HK3: variants seen among roughly 807,000 people sequenced by gnomAD.
HK3 encodes the protein hexokinase 3.
In HK3, 93 loss-of-function variants were observed where a neutral mutation model predicts 91.0. The observed-to-expected ratio is 1.02, with a 90% CI of 0.86 to 1.21. The LOEUF (loss-of-function observed/expected upper bound fraction) is 1.21, where lower values mean the gene tolerates loss of function less well. Among genes scored for constraint, HK3 ranks in the 50% most tolerant of loss-of-function variants. The pLI, the probability that HK3 is intolerant of heterozygous loss-of-function variation, is 0.00. For synonymous variants in HK3, 519 were observed against 516.9 expected (o/e 1.00, Z -0.06); for missense variants, 1,235 against 1,247.4 (o/e 0.99, Z 0.15).
At position 176,881,463 on chromosome 5, in the gene HK3, G is replaced by A; in HGVS notation, c.2466C>T (p.Ala822=). The A allele has an allele frequency of 6.2e-7, 1 of 1,609,142 alleles. No individual in the cohort carries two copies. The highest frequency in any genetic ancestry group is 8.5e-7 in the Non-Finnish European group (1 of 1,180,002). The change falls in exon 18 of 19, where the codon GCC becomes GCT. Residue 822 remains alanine, a synonymous_variant. Coordinates refer to ENST00000292432, the MANE Select transcript of HK3 (RefSeq NM_002115.3). Reference sequence around the variant, plus strand: ...CCTGGCACACCTCTAGCACCATCAGGGCGTCATCTGAGGTCAGGGGTAGCC... The same window carrying A: ...CCTGGCACACCTCTAGCACCATCAGAGCGTCATCTGAGGTCAGGGGTAGCC... ...DLGLPLTSDD[A]LMVLEVCQAV...
In HK3 at chr5:176,891,485, G is replaced by C; in HGVS notation, c.162C>G (p.Leu54=). The C allele has an allele frequency of 1.2e-6, 2 of 1,614,210 alleles. No homozygotes were observed. The highest frequency in any genetic ancestry group is 8.5e-7 in the Non-Finnish European group (1 of 1,180,036). The change falls in exon 3 of 19, where the codon CTC becomes CTG. Residue 54 remains leucine (L), a synonymous_variant. Coordinates refer to ENST00000292432, the MANE Select transcript of HK3 (RefSeq NM_002115.3). ...RAQLQQIQAS[L]LGSMEQALRG... is the part of the protein sequence containing the mutation. ...TCAGCGCCTGCTCCATGGAACCCAA[G>C]AGGCTGGCTTGGATCTGCTGTAGCT...
Position 176,896,044 on chromosome 5 carries a change from G to A in HK3, c.96+20C>T. 6.2e-7 allele frequency: 1 copy of A among 1,601,630 alleles called. No individual in the cohort carries two copies. The highest frequency in any genetic ancestry group is 1.7e-5 in the Admixed American group (1 of 59,980). On this transcript the variant is annotated intron_variant, in intron 2 of 18. Coordinates refer to ENST00000292432, the MANE Select transcript of HK3 (RefSeq NM_002115.3). Reference sequence around the variant, plus strand: ...AAGGCCTTAGACAAGCATGAAACAGGAACCCAGTGCTGAACTTACCAGCTC... The same window carrying A: ...AAGGCCTTAGACAAGCATGAAACAGAAACCCAGTGCTGAACTTACCAGCTC...
chr5:176,893,678 G>C (rs548471502), intron 2 of HK3, among the ~76,000 whole-genome samples: 1 of 152,326 alleles, frequency 6.6e-6, no homozygotes, highest in African/African-American at 2.4e-5. Flanking sequence ...TAGAGTCACG[G>C]AGAAGTCAAT....
chr5:176,895,852 C>G (rs1208003345), intron 2 of HK3, among the ~76,000 whole-genome samples: 3 of 152,224 alleles, frequency 2.0e-5, no homozygotes, highest in African/African-American at 7.2e-5. Context: ...AGTCATAACA[C>G]TTCTCTATAT....
rs745716229 is a variant in HK3 at position 176,882,077 on chromosome 5, C to A, written c.2104G>T (p.Val702Leu). The A allele has an allele frequency of 6.2e-7, 1 of 1,612,726 alleles. No homozygotes were observed. Among genetic ancestry groups the A allele is most frequent in the Non-Finnish European group, 8.5e-7 (1 of 1,180,028 alleles). ...YMEELRNVAG[V>L]PGDSGRMCIN... ...CACATGCGGCCTGAGTCCCCAGGCA[C>A]GCCCGCCACATTCCGGAGCTCCTCC... The change falls in exon 16 of 19, where the codon GTG (valine) becomes TTG (leucine). Residue 702 changes from valine (V) to leucine (L), a missense_variant. By Grantham distance (32) the Val-to-Leu change is conservative. This residue lies in a region of HK3 where 513 missense variants were observed against 477.4 expected (regional missense o/e 1.07). Coordinates refer to ENST00000292432, the MANE Select transcript of HK3 (RefSeq NM_002115.3).
Position 176,880,915 on chromosome 5 carries a change from C to G in HK3, c.*158G>C. On this transcript the variant is annotated 3_prime_UTR_variant, in exon 19 of 19. Coordinates refer to ENST00000292432, the MANE Select transcript of HK3 (RefSeq NM_002115.3). Reference sequence around the variant, plus strand: ...TATTGCTAACCTGAGTGCTACTTCTCTCAGGGAAAGCCAGGGAGCAAGGCC... The same window carrying G: ...TATTGCTAACCTGAGTGCTACTTCTGTCAGGGAAAGCCAGGGAGCAAGGCC... The G allele has an allele frequency of 1.4e-6, 1 of 698,354 alleles. No individual in the cohort carries two copies. Among genetic ancestry groups the G allele is most frequent in the Non-Finnish European group, 2.3e-6 (1 of 440,216 alleles). 43.3% of individuals were successfully genotyped at this position (698,354 alleles called of 1,614,324 possible).
At position 176,891,427 on chromosome 5, in the gene HK3, T is replaced by G. The variant is rs1171817495; in HGVS notation, c.220A>C (p.Met74Leu). Residue 74 changes from methionine to leucine, a missense_variant, in exon 3 of 19, where the codon ATG (methionine) becomes CTG (leucine). Transcript: ENST00000292432. ...GTGGACCCCACGTATGTAGGCAGCA[T>G]CCGGACCGCAGGGGCAGGGCTGGCC... is the stretch of plus-strand genomic sequence containing the variant. ...GQASPAPAVR[M>L]LPTYVGSTPH... 1.2e-6 allele frequency: 2 copies of G among 1,613,936 alleles called. No individual in the cohort carries two copies. The highest frequency in any genetic ancestry group is 3.3e-5 in the Admixed American group (2 of 59,998).
intron 13 of HK3, 45 bp downstream of exon 13, chr5:176,886,957 G>A (rs1456233697): frequency 8.1e-6 from 13 of 1,609,658 alleles, no homozygotes; most frequent in African/African-American, 1.3e-5. Flanking sequence ...AGGGTATGTG[G>A]GGGCAGGAGG....
chr5:176,883,094 C>T (rs1758487812), intron 15 of HK3, among the ~76,000 whole-genome samples: 2 of 152,214 alleles, frequency 1.3e-5, no homozygotes, highest in Admixed American at 1.3e-4. Flanking sequence ...TCGCTGCTGC[C>T]CACGTGTAGA....
In HK3 at chr5:176,884,586, G is replaced by A. The variant is rs1472204956; in HGVS notation, c.1858-452C>T. ...AGAGGAAGGAATTCTCAGCTTCAGG[G>A]ATAGAGCCGTGTCAATGGGCGAGTC... On this transcript the variant is annotated intron_variant, in intron 13 of 18. Transcript: ENST00000292432. The surrounding 1 kb of genome is among the most constrained non-coding windows in gnomAD (Gnocchi z 4.1). Among the ~76,000 whole-genome samples the A allele has an allele frequency of 6.6e-6, 1 of 152,232 alleles. No homozygotes were observed. The highest frequency in any genetic ancestry group is 2.4e-5 in the African/African-American group (1 of 41,450).
intron 15 of HK3, 62 bp from the exon 16 acceptor site, chr5:176,882,189 C>G (rs1396630960): frequency 6.4e-7 from 1 of 1,558,164 alleles, no homozygotes; most frequent in Admixed American, 1.7e-5. Flanking sequence ...CCTCTGAGCA[C>G]TTCCCATACC....
At position 176,891,472 on chromosome 5, in the gene HK3, C is replaced by T. The variant is rs202189125; in HGVS notation, c.175G>A (p.Glu59Lys). ...CTGGCCTGTCCCCTCAGCGCCTGCT[C>T]CATGGAACCCAAGAGGCTGGCTTGG... ...QIQASLLGSM[E>K]QALRGQASPA... The change falls in exon 3 of 19, where the codon GAG becomes AAG. Residue 59 changes from glutamate to lysine, a missense_variant. Transcript: ENST00000292432. 2 of 1,614,186 alleles carry T rather than the reference C, an allele frequency of 1.2e-6. No homozygotes were observed. Among genetic ancestry groups the T allele is most frequent in the East Asian group, 2.2e-5 (1 of 44,884 alleles).
In HK3 at chr5:176,881,379, C is replaced by G; in HGVS notation, c.2550G>C (p.Lys850Asn). 3 of 1,613,908 alleles carry G rather than the reference C, an allele frequency of 1.9e-6. No individual in the cohort carries two copies. The highest frequency in any genetic ancestry group is 2.5e-6 in the Non-Finnish European group (3 of 1,180,028). The change falls in exon 18 of 19, where the codon AAG becomes AAC. Residue 850 changes from lysine (K) to asparagine (N), a missense_variant. By Grantham distance (94) the Lys-to-Asn change is moderately conservative. Around this residue, in one of 3 missense-constraint regions of HK3, gnomAD observed 513 missense variants for 477.4 expected, o/e 1.07. Transcript: ENST00000292432. Reference protein sequence around the residue: ...CGAGVAAVVEKIRENRGLEEL... With the variant: ...CGAGVAAVVENIRENRGLEEL... ...CTTCCAGGCCCCGGTTCTCCCGGAT[C>G]TTCTCCACCACGGCAGCTACACCCG...
At chr5:176,889,822 G>T in intron 6 of HK3, 78 bp from the exon 7 acceptor site, 1 of 1,228,560 alleles carries the variant, frequency 8.1e-7, no homozygotes, top group Non-Finnish European at 1.2e-6. Flanking sequence ...GCAGGGCTGG[G>T]GCCCTGGCTT....
rs561010196 is a variant in HK3 at position 176,891,660 on chromosome 5, C to T, written c.97-110G>A. 8 of 1,085,106 alleles carry T rather than the reference C, an allele frequency of 7.4e-6. No homozygotes were observed. The South Asian group carries it at 1.3e-4, about 17-fold the overall frequency. The allele number at this position is 1,085,106 out of a possible 1,614,324, so 67.2% of individuals were successfully genotyped here. The stretch of plus-strand genomic sequence containing the variant: ...CTGCCCAGCCCACTCCTCGGCTCTT[C>T]ATACACCCTGACTCTCTTGCCAACA... On this transcript the variant is annotated intron_variant, in intron 2 of 18. Coordinates refer to ENST00000292432, the MANE Select transcript of HK3 (RefSeq NM_002115.3).
In HK3 at chr5:176,888,658, C is replaced by T. The variant is rs1758670257; in HGVS notation, c.1070+51G>A. On this transcript the variant is annotated intron_variant, in intron 9 of 18. Transcript: ENST00000292432. Reference sequence around the variant, plus strand: ...CTACCTTGGGAACAGAGTATCATCCCCTTCCTCCAAGCCAAGAATCCCCCA... The same window carrying T: ...CTACCTTGGGAACAGAGTATCATCCTCTTCCTCCAAGCCAAGAATCCCCCA... 1.9e-6 allele frequency: 3 copies of T among 1,613,094 alleles called. No homozygotes were observed. The East Asian group carries it at 6.7e-5, about 36-fold the overall frequency.
In HK3 at chr5:176,888,731, C is replaced by T. The variant is rs757213611; in HGVS notation, c.1048G>A (p.Glu350Lys). Residue 350 changes from glutamate to lysine, a missense_variant, in exon 9 of 19, where the codon GAA becomes AAA. Physicochemically the swap from Glu to Lys is moderately conservative, Grantham distance 56. This residue lies in a region of HK3 where 717 missense variants were observed against 751.6 expected (regional missense o/e 0.95). Coordinates refer to ENST00000292432, the MANE Select transcript of HK3 (RefSeq NM_002115.3). ...ALLSQGSILL[E>K]HVAEMEDPST... ...CACTCCTCCATCTCAGCCACGTGTT[C>T]CAGGAGGATGCTGCCTTGGCTCAGC... is the stretch of plus-strand genomic sequence containing the variant. 6.2e-7 allele frequency: 1 copy of T among 1,614,254 alleles called. No homozygotes were observed. The highest frequency in any genetic ancestry group is 1.1e-5 in the South Asian group (1 of 91,086).
intron 14 of HK3, 73 bp from the exon 15 acceptor site, chr5:176,883,942 C>G (rs1250546590): frequency 6.3e-7 from 1 of 1,584,324 alleles, no homozygotes; most frequent in African/African-American, 1.3e-5. Flanking sequence ...ACCCAGAGGT[C>G]TCTACCGCAG....
chr5:176,887,526 C>G lies in HK3; in HGVS notation c.1525G>C (p.Ala509Pro), dbSNP rs1280309259. The change falls in exon 11 of 19, where the codon GCC becomes CCC. Residue 509 changes from alanine to proline, a missense_variant. Around this residue, in one of 3 missense-constraint regions of HK3, gnomAD observed 717 missense variants for 751.6 expected, o/e 0.95. Transcript: ENST00000292432. The surrounding 1 kb of genome is among the most constrained non-coding windows in gnomAD (Gnocchi z 4.9). ...AVQAQMRKAMAKGLRGEASSL... is the reference protein window; with the variant it reads ...AVQAQMRKAMPKGLRGEASSL... ...GAGGCCTCCCCTCGGAGCCCCTTGG[C>G]CATGGCCTTCCGCATCTGTGCCTGA... 1.2e-6 allele frequency: 2 copies of G among 1,613,684 alleles called. No homozygotes were observed. The highest frequency in any genetic ancestry group is 2.7e-5 in the African/African-American group (2 of 74,928).
Sources: gnomAD v4.1 joint callset for allele counts (sites outside exome capture counted in the v4.1 genomes callset) on GRCh38, gnomAD v4.1.1 for gene constraint, gnomAD v4.1.1 regional missense constraint, Gnocchi (gnomAD v3.1) non-coding constraint, MANE v1.5 for transcripts, NCBI Gene and HGNC (gene_info 2026-07-23, HGNC 2026-07-21) for gene names.